The following GRM5 variants were observed in gnomAD, a reference collection of about 807,000 sequenced individuals.
The protein encoded by GRM5 is glutamate metabotropic receptor 5, also known as metabotropic glutamate receptor 5.
Under a neutral mutation model 83.1 loss-of-function variants are expected in GRM5, and 19 were observed. The observed-to-expected ratio is 0.23, with a 90% CI of 0.16 to 0.34. The LOEUF is 0.34. GRM5 is among the 10% of genes least tolerant of loss of function. The pLI is 1.00. For synonymous variants in GRM5, 675 were observed against 633.6 expected (o/e 1.07, Z -0.98); for missense variants, 1,160 against 1,588.3 (o/e 0.73, Z 4.58).
intron 8 of GRM5, among the ~76,000 whole-genome samples, chr11:88,556,534 G>C (rs759189021): frequency 6.6e-6 from 1 of 151,916 alleles, no homozygotes; most frequent in African/African-American, 2.4e-5. Flanking sequence ...TGTTGGTCAG[G>C]CTGGTCTTAA....
chr11:88,735,670 C>A (rs1941897254), intron 3 of GRM5, among the ~76,000 whole-genome samples: 1 of 152,030 alleles, frequency 6.6e-6, no homozygotes, highest in Non-Finnish European at 1.5e-5. Flanking sequence ...GCATTGACAT[C>A]TGTCTGTGTA....
intron 8 of GRM5, among the ~76,000 whole-genome samples, chr11:88,553,106 A>T (rs1322533264): frequency 6.6e-6 from 1 of 152,170 alleles, no homozygotes; most frequent in South Asian, 2.1e-4. Flanking sequence ...CATTTTAAAC[A>T]TTCTTTAGAT....
chr11:88,790,564 A>G (rs946197079), intron 3 of GRM5, among the ~76,000 whole-genome samples: 9 of 152,160 alleles, frequency 5.9e-5, no homozygotes, highest in African/African-American at 2.2e-4. Context: ...GAGAGAAGGT[A>G]TGATAACTAA....
intron 2 of GRM5, among the ~76,000 whole-genome samples, chr11:88,962,397 T>TG (rs1270529800): frequency 6.6e-6 from 1 of 152,236 alleles, no homozygotes; most frequent in Non-Finnish European, 1.5e-5. Context: ...TGCATTCAAC[T>TG]AACCATTCAC....
intron 3 of GRM5, among the ~76,000 whole-genome samples, chr11:88,806,902 G>C (rs1355384508): frequency 6.6e-6 from 1 of 152,122 alleles, no homozygotes; most frequent in African/African-American, 2.4e-5. Flanking sequence ...TAAACTGTAA[G>C]ATATTGCTTA....
At chr11:88,862,672 T>C (rs1188633227) in intron 2 of GRM5, among the ~76,000 whole-genome samples, 6 of 152,118 alleles carry the variant, frequency 3.9e-5, no homozygotes, top group Admixed American at 2.6e-4. Context: ...TTTTAAGTTC[T>C]GGGACACATG....
chr11:88,975,279 C>T (rs1217306472), intron 2 of GRM5, among the ~76,000 whole-genome samples: 4 of 152,158 alleles, frequency 2.6e-5, no homozygotes, highest in African/African-American at 9.7e-5. Flanking sequence ...CTGGGAGAAA[C>T]AATCTGGTAT....
intron 3 of GRM5, among the ~76,000 whole-genome samples, chr11:88,737,361 G>T (rs1411426200): frequency 6.6e-6 from 1 of 152,052 alleles, no homozygotes; most frequent in South Asian, 2.1e-4. Context: ...TTTTTCTCTG[G>T]GAGGCTTGGT....
intron 2 of GRM5, among the ~76,000 whole-genome samples, chr11:88,931,107 G>C (rs757721938): frequency 6.6e-6 from 1 of 151,708 alleles, no homozygotes; most frequent in Non-Finnish European, 1.5e-5. Context: ...ATGTGCTATA[G>C]GTAAATACAT....
At chr11:89,036,710 G>A (rs1006768604) in intron 2 of GRM5, among the ~76,000 whole-genome samples, 1 of 131,556 alleles carries the variant, frequency 7.6e-6, no homozygotes, top group African/African-American at 2.9e-5. Context: ...CTATTAATCA[G>A]TATTTGTACT....
intron 3 of GRM5, among the ~76,000 whole-genome samples, chr11:88,740,668 A>C (rs1942008468): frequency 6.6e-6 from 1 of 152,066 alleles, no homozygotes; most frequent in Non-Finnish European, 1.5e-5. Context: ...TGTTAACAAA[A>C]ATAATAAATT....
chr11:88,816,260 G>T (rs1943678735), intron 3 of GRM5, among the ~76,000 whole-genome samples: 1 of 147,096 alleles, frequency 6.8e-6, no homozygotes, highest in South Asian at 2.1e-4. Context: ...TTGGAAACAG[G>T]CTGGGTGCAG....
At chr11:88,685,340 C>T (rs1940593455) in intron 3 of GRM5, among the ~76,000 whole-genome samples, 1 of 152,168 alleles carries the variant, frequency 6.6e-6, no homozygotes, top group African/African-American at 2.4e-5. Context: ...GAAGAAATTT[C>T]TAAGCAGCAA....
At chr11:88,881,961 G>C (rs1349554372) in intron 2 of GRM5, among the ~76,000 whole-genome samples, 1 of 152,164 alleles carries the variant, frequency 6.6e-6, no homozygotes, top group Non-Finnish European at 1.5e-5. Context: ...TTGATGGAAT[G>C]CTGGGCACGT....
chr11:88,980,994 A>G (rs1442304176), intron 2 of GRM5, among the ~76,000 whole-genome samples: 3 of 146,838 alleles, frequency 2.0e-5, no homozygotes, highest in African/African-American at 7.4e-5. Context: ...TCTTAAAACT[A>G]AAATAGTCCC....
intron 2 of GRM5, among the ~76,000 whole-genome samples, chr11:88,874,963 A>C (rs1195220061): frequency 6.6e-6 from 1 of 151,978 alleles, no homozygotes; most frequent in East Asian, 1.9e-4. Context: ...GTTTTTGCTG[A>C]TAGAGGATCT....
chr11:88,629,532 CA>C (rs1396786693), intron 4 of GRM5, among the ~76,000 whole-genome samples: 1 of 152,146 alleles, frequency 6.6e-6, no homozygotes, highest in Non-Finnish European at 1.5e-5. Flanking sequence ...TGATCACGGA[CA>C]AATAGAAAAC....
intron 3 of GRM5, among the ~76,000 whole-genome samples, chr11:88,668,211 C>T (rs553369328): frequency 3.3e-5 from 2 of 60,782 alleles, no homozygotes; most frequent in African/African-American, 7.4e-5. Flanking sequence ...TGCAGAAACT[C>T]GCACACACAC....
intron 2 of GRM5, among the ~76,000 whole-genome samples, chr11:88,969,587 G>T (rs961385263): frequency 2.6e-5 from 4 of 151,966 alleles, no homozygotes; most frequent in Non-Finnish European, 2.9e-5. Flanking sequence ...TCAAATATGT[G>T]ATATAAAGGT....
Sources: allele counts gnomAD v4.1 joint callset (sites outside exome capture counted in the v4.1 genomes callset), GRCh38; gene constraint gnomAD v4.1.1; transcripts MANE v1.5; gene names NCBI Gene and HGNC (gene_info 2026-07-23, HGNC 2026-07-21).